ENTR1: variants seen among roughly 807,000 people sequenced by gnomAD.
The protein encoded by ENTR1 is endosome-associated-trafficking regulator 1.
Under a neutral mutation model 47.9 loss-of-function variants are expected in ENTR1, and 47 were observed. The ratio of observed to expected loss-of-function variants is 0.98; its 90% CI spans 0.78 to 1.25. The LOEUF is 1.25. Ranked by LOEUF, ENTR1 falls within the 50% of genes most tolerant of loss-of-function variation. The probability of loss-of-function intolerance (pLI) is 0.00; values close to 1 mark genes in which losing one functional copy is unlikely to be tolerated. For missense variants in ENTR1, 668 were observed against 570.5 expected (o/e 1.17, Z -1.74); for synonymous variants, 290 against 245.8 (o/e 1.18, Z -1.68).
chr9:136,403,283 A>G (rs1426288378), intron 9 of ENTR1, among the ~76,000 whole-genome samples: 3 of 133,550 alleles, frequency 2.2e-5, no homozygotes, highest in Non-Finnish European at 3.2e-5. Flanking sequence ...TGGGGGGAGA[A>G]ACAGAAGGGG....
intron 5 of ENTR1, among the ~76,000 whole-genome samples, chr9:136,406,782 ATT>A (rs886196551): frequency 6.7e-6 from 1 of 149,766 alleles, no homozygotes; most frequent in Non-Finnish European, 1.5e-5. Context: ...CAGCTAAAAA[ATT>A]TTTTTTTTTA....
intron 3 of ENTR1, among the ~76,000 whole-genome samples, chr9:136,408,650 C>T (rs1051388198): frequency 2.0e-5 from 3 of 152,136 alleles, no homozygotes; most frequent in Admixed American, 6.5e-5. Context: ...ACCCTCTTCC[C>T]GACTTTCCTA....
At chr9:136,404,268 G>A (rs55913234) in intron 8 of ENTR1, 74 bp from the exon 9 acceptor site, 40,204 of 1,536,610 alleles carry the variant, frequency 0.026, 695 homozygotes, top group Middle Eastern at 0.086. Context: ...CTGGCGAGGC[G>A]AGGGCTTACC....
In ENTR1 at chr9:136,404,090, G is replaced by A; in HGVS notation, c.1173C>T (p.Leu391=). 6.2e-7 allele frequency: 1 copy of A among 1,613,228 alleles called. No homozygotes were observed. The part of the protein sequence containing the change: ...KQNADVALQN[L]RVVMNSAQAS... ...CCTGTGCACTGTTCATGACCACCCG[G>A]AGGTTCTGCAGGGCCACGTCGGCGT... Residue 391 remains leucine, a synonymous_variant, in exon 9 of 10, where the codon CTC becomes CTT. Coordinates refer to ENST00000357365, the MANE Select transcript of ENTR1 (RefSeq NM_001039707.2).
At chr9:136,408,869 A>G (rs972995966) in intron 3 of ENTR1, 130 bp downstream of exon 3, 19 of 666,922 alleles carry the variant, frequency 2.8e-5, no homozygotes, top group African/African-American at 2.7e-4. Flanking sequence ...AACCCTTGAA[A>G]TCCCACCCCC....
intron 9 of ENTR1, among the ~76,000 whole-genome samples, chr9:136,403,321 CGGGGGG>C (rs1564404156): frequency 2.5e-4 from 8 of 31,774 alleles, no homozygotes; most frequent in Non-Finnish European, 4.7e-4. Flanking sequence ...TGGGGTTTGC[CGGGGGG>C]AGAAAGGGAC....
rs188706966 is a variant in ENTR1, at chr9:136,409,891, G to A, written c.220+199C>T. The A allele has an allele frequency of 8.8e-4, 648 of 736,964 alleles. 5 individuals carry two copies. In the Admixed American group the frequency reaches 0.011, roughly 12 times the overall value. The allele number at this position is 736,964 out of a possible 1,614,324, so 45.7% of individuals were successfully genotyped here. On this transcript the variant is annotated intron_variant, in intron 2 of 9. Coordinates refer to ENST00000357365, the MANE Select transcript of ENTR1 (RefSeq NM_001039707.2). ...GCACTAACCATCCTGTACTGGAACT[G>A]TCTGTCTTGGGGGAGGTCTCCCCGC...
intron 5 of ENTR1, 60 bp downstream of exon 5, chr9:136,407,085 T>C (rs1031176295): frequency 9.3e-6 from 14 of 1,503,458 alleles, no homozygotes; most frequent in African/African-American, 1.4e-5. Flanking sequence ...CTCCAGGTTC[T>C]CCCCGGGAGA....
At chr9:136,404,806 T>C in intron 7 of ENTR1, 113 bp from the exon 8 acceptor site, 1 of 1,030,502 alleles carries the variant, frequency 9.7e-7, no homozygotes, top group Non-Finnish European at 1.5e-6. Flanking sequence ...CTGTGGCCCT[T>C]CACAGCCCCT....
At position 136,407,029 on chromosome 9, in the gene ENTR1, C is replaced by T. The variant is rs1042686702; in HGVS notation, c.819+116G>A. On this transcript the variant is annotated intron_variant, in intron 5 of 9. Coordinates refer to ENST00000357365, the MANE Select transcript of ENTR1 (RefSeq NM_001039707.2). ...GTGGATAGCAGGCTGTCACGCAAAT[C>T]GCCTTGTCCTGGAAATCAAACCAGG... 22 of 1,030,644 alleles carry T rather than the reference C, an allele frequency of 2.1e-5. No homozygotes were observed. The African/African-American group carries it at 2.4e-4, about 11-fold the overall frequency. 63.8% of individuals were successfully genotyped at this position (1,030,644 alleles called of 1,614,324 possible). A position where few individuals can be genotyped will look rare whatever the true frequency, so the allele number is the denominator to read the frequency against.
At position 136,407,986 on chromosome 9, in the gene ENTR1, G is replaced by A. The variant is rs57827820; in HGVS notation, c.290-48C>T. ...TGCATAAAGTCTACTGAAGAGCGTTGAAAGGGAACCTTCCTGTTCACCTGT... is the reference window on the plus strand; with the variant it reads ...TGCATAAAGTCTACTGAAGAGCGTTAAAAGGGAACCTTCCTGTTCACCTGT... On this transcript the variant is annotated intron_variant, in intron 3 of 9. Transcript: ENST00000357365. The A allele has an allele frequency of 4.1e-3, 5,182 of 1,250,008 alleles. 150 individuals carry two copies. In the African/African-American group the frequency reaches 0.066, roughly 16 times the overall value. 77.4% of individuals were successfully genotyped at this position (1,250,008 alleles called of 1,614,324 possible). A position where few individuals can be genotyped will look rare whatever the true frequency, so the allele number is the denominator to read the frequency against.
chr9:136,407,990 G>T lies in ENTR1; in HGVS notation c.290-52C>A, dbSNP rs766802927. 26 of 1,220,426 alleles carry T rather than the reference G, an allele frequency of 2.1e-5. No homozygotes were observed. In the East Asian group the frequency reaches 5.4e-4, roughly 25 times the overall value. 75.6% of individuals were successfully genotyped at this position (1,220,426 alleles called of 1,614,324 possible). On this transcript the variant is annotated intron_variant, in intron 3 of 9. Coordinates refer to ENST00000357365, the MANE Select transcript of ENTR1 (RefSeq NM_001039707.2). ...TAAAGTCTACTGAAGAGCGTTGAAA[G>T]GGAACCTTCCTGTTCACCTGTCTTT...
At position 136,407,197 on chromosome 9, in the gene ENTR1, C is replaced by T. The variant is rs375609278; in HGVS notation, c.767G>A (p.Gly256Glu). ...GSPSADFAVH[G>E]ESLGDRHLRT... ...CAGGTGCCTGTCTCCCAGAGACTCT[C>T]CATGAACCGCAAAGTCTGCGCTAGG... is the stretch of plus-strand genomic sequence containing the variant. The change falls in exon 5 of 10, where the codon GGA becomes GAA. Residue 256 changes from glycine to glutamate, a missense_variant. Gly to Glu is a moderately conservative substitution (Grantham distance 98, BLOSUM62 -2). Coordinates refer to ENST00000357365, the MANE Select transcript of ENTR1 (RefSeq NM_001039707.2). 2.9e-5 allele frequency: 46 copies of T among 1,612,396 alleles called. No individual in the cohort carries two copies. Among genetic ancestry groups the T allele is most frequent in the Non-Finnish European group, 3.8e-5 (45 of 1,179,602 alleles).
At position 136,407,197 on chromosome 9, in the gene ENTR1, C is replaced by G. The variant is rs375609278; in HGVS notation, c.767G>C (p.Gly256Ala). 1 of 1,612,514 alleles carries G rather than the reference C, an allele frequency of 6.2e-7. No homozygotes were observed. The highest frequency in any genetic ancestry group is 2.2e-5 in the East Asian group (1 of 44,862). Residue 256 changes from glycine to alanine, a missense_variant, in exon 5 of 10, where the codon GGA becomes GCA. Coordinates refer to ENST00000357365, the MANE Select transcript of ENTR1 (RefSeq NM_001039707.2). ...CAGGTGCCTGTCTCCCAGAGACTCT[C>G]CATGAACCGCAAAGTCTGCGCTAGG... ...GSPSADFAVH[G>A]ESLGDRHLRT...
chr9:136,407,155 C>A lies in ENTR1; in HGVS notation c.809G>T (p.Ser270Ile). The change falls in exon 5 of 10, where the codon AGT becomes ATT. Residue 270 changes from serine (S) to isoleucine (I), a missense_variant. Physicochemically the swap from Ser to Ile is moderately radical, Grantham distance 142. Coordinates refer to ENST00000357365, the MANE Select transcript of ENTR1 (RefSeq NM_001039707.2). ...GTGAGGCTCACTTACTGCGTCGTAA[C>A]TTATCTGCAGCGTCCGCAGGTGCCT... ...GDRHLRTLQISYDALKDENSK... is the reference protein window; with the variant it reads ...GDRHLRTLQIIYDALKDENSK... 2.5e-6 allele frequency: 4 copies of A among 1,596,778 alleles called. No homozygotes were observed. Among genetic ancestry groups the A allele is most frequent in the Non-Finnish European group, 3.4e-6 (4 of 1,168,254 alleles).
In ENTR1 at chr9:136,407,933, T is replaced by C. The variant is rs1003489624; in HGVS notation, c.295A>G (p.Arg99Gly). ...TTTGCCTCTTCCAGATCTTCAAATCTGTCATCTGAAATAACAGACATCACA... is the reference window on the plus strand; with the variant it reads ...TTTGCCTCTTCCAGATCTTCAAATCCGTCATCTGAAATAACAGACATCACA... ...GAHGTHFGDD[R>G]FEDLEEANPF... is the part of the protein sequence containing the mutation. Residue 99 changes from arginine (R) to glycine (G), a missense_variant, in exon 4 of 10, where the codon AGA becomes GGA. Transcript: ENST00000357365. 3 of 1,591,778 alleles carry C rather than the reference T, an allele frequency of 1.9e-6. No homozygotes were observed. Among genetic ancestry groups the C allele is most frequent in the African/African-American group, 1.3e-5 (1 of 74,530 alleles).
chr9:136,404,241 C>T (rs770305119), intron 8 of ENTR1, 47 bp from the exon 9 acceptor site: 33 of 1,552,676 alleles, frequency 2.1e-5, no homozygotes, highest in East Asian at 9.1e-5. Flanking sequence ...CGAGGCAACC[C>T]GGCTGAAAGT....
chr9:136,403,487 C>CAGGGAGCAAGGGG, intron 9 of ENTR1, among the ~76,000 whole-genome samples: 1 of 142,392 alleles, frequency 7.0e-6, no homozygotes, highest in African/African-American at 2.7e-5. Context: ...GACAGGGTTC[C>CAGGGAGCAAGGGG]TGGGAGAAAG....
Position 136,410,233 on chromosome 9 carries a change from G to T in ENTR1, c.77C>A (p.Ala26Glu), listed in dbSNP as rs900053860. Residue 26 changes from alanine (A) to glutamate (E), a missense_variant, in exon 2 of 10, where the codon GCG becomes GAG. Ala to Glu is a moderately radical substitution (Grantham distance 107, BLOSUM62 -1). Coordinates refer to ENST00000357365, the MANE Select transcript of ENTR1 (RefSeq NM_001039707.2). ...ARSLAIPDAP[A>E]FYERRSCLPQ... The stretch of plus-strand genomic sequence containing the variant: ...GAGACAAGACCGGCGCTCATAGAAC[G>T]CTGGAGCTGGAAGCAACGACAACAG... 5 of 1,575,806 alleles carry T rather than the reference G, an allele frequency of 3.2e-6. No homozygotes were observed. The highest frequency in any genetic ancestry group is 2.7e-5 in the African/African-American group (2 of 74,226).
Sources: gnomAD v4.1 joint callset for allele counts (sites outside exome capture counted in the v4.1 genomes callset) on GRCh38, gnomAD v4.1.1 for gene constraint, MANE v1.5 for transcripts, NCBI Gene and HGNC (gene_info 2026-07-23, HGNC 2026-07-21) for gene names.